The following CACNB2 variants were observed in gnomAD, a reference collection of about 807,000 sequenced individuals.
CACNB2 encodes calcium voltage-gated channel auxiliary subunit beta 2.
Under a neutral mutation model 73.3 loss-of-function variants are expected in CACNB2, and 42 were observed. The ratio of observed to expected loss-of-function variants is 0.57; its 90% CI spans 0.45 to 0.74. The LOEUF (loss-of-function observed/expected upper bound fraction) is 0.74. Among genes scored for constraint, CACNB2 ranks in the 30% least tolerant of loss-of-function variants. The pLI is 0.00. For synonymous variants in CACNB2, 348 were observed against 310.3 expected, an observed-to-expected ratio of 1.12 and a Z score of -1.28; for missense variants, 940 against 853.0, an observed-to-expected ratio of 1.10 and a Z score of -1.27.
chr10:18,169,007 A>G (rs2033053775), intron 2 of CACNB2, among the ~76,000 whole-genome samples: 1 of 152,160 alleles, frequency 6.6e-6, no homozygotes, highest in African/African-American at 2.4e-5. Context: ...GTTCATTTAT[A>G]ATCCTCATCT....
chr10:18,172,947 G>A (rs542248737), intron 2 of CACNB2, among the ~76,000 whole-genome samples: 1 of 49,218 alleles, frequency 2.0e-5, no homozygotes, highest in East Asian at 8.9e-4. Flanking sequence ...TTTAAATGGA[G>A]TTTTACTCTG....
intron 2 of CACNB2, among the ~76,000 whole-genome samples, chr10:18,249,388 A>C: frequency 6.7e-6 from 1 of 150,342 alleles, no homozygotes; most frequent in South Asian, 2.2e-4. Flanking sequence ...CTCCTATTCC[A>C]AGAAAAAAAA....
At chr10:18,246,357 C>A (rs1312058477) in intron 2 of CACNB2, among the ~76,000 whole-genome samples, 1 of 152,078 alleles carries the variant, frequency 6.6e-6, no homozygotes, top group Non-Finnish European at 1.5e-5. Flanking sequence ...CCTTAGGGAA[C>A]TTCCAAATTT....
intron 2 of CACNB2, among the ~76,000 whole-genome samples, chr10:18,346,894 G>A (rs896633356): frequency 3.9e-5 from 6 of 152,112 alleles, no homozygotes. Flanking sequence ...ACTGCACCTG[G>A]CCTGTTAGTG....
chr10:18,374,514 G>T (rs376838396), intron 2 of CACNB2, among the ~76,000 whole-genome samples: 1 of 152,182 alleles, frequency 6.6e-6, no homozygotes, highest in Non-Finnish European at 1.5e-5. Flanking sequence ...GATAGCTTGA[G>T]CCCAGAAGTT....
chr10:18,427,694 C>A (rs933189080), intron 3 of CACNB2, among the ~76,000 whole-genome samples: 2 of 152,202 alleles, frequency 1.3e-5, no homozygotes, highest in East Asian at 3.9e-4. Context: ...TCTTCTCATG[C>A]CAGTTTGGGC....
intron 2 of CACNB2, among the ~76,000 whole-genome samples, chr10:18,207,569 T>C (rs2035148394): frequency 6.6e-6 from 1 of 152,362 alleles, no homozygotes; most frequent in Middle Eastern, 3.4e-3. Flanking sequence ...ACAAAATATA[T>C]TGAAGTTTGT....
chr10:18,257,050 G>A (rs1035309120), intron 2 of CACNB2: 3 of 152,260 alleles, frequency 2.0e-5, no homozygotes, highest in Admixed American at 6.5e-5. Flanking sequence ...CTTTCTTGGT[G>A]TAGTCCAAAC....
chr10:18,521,956 G>T (rs759547122), intron 9 of CACNB2, among the ~76,000 whole-genome samples: 1 of 152,154 alleles, frequency 6.6e-6, no homozygotes, highest in Non-Finnish European at 1.5e-5. Flanking sequence ...CACAGCAGAC[G>T]GTGAGTGGCA....
intron 3 of CACNB2, among the ~76,000 whole-genome samples, chr10:18,490,145 G>C (rs1460550120): frequency 6.6e-6 from 1 of 152,140 alleles, no homozygotes; most frequent in African/African-American, 2.4e-5. Context: ...ACAGATGTCA[G>C]CCACTGCACT....
intron 2 of CACNB2, among the ~76,000 whole-genome samples, chr10:18,152,748 T>C (rs2031706198): frequency 1.0e-5 from 1 of 99,150 alleles, no homozygotes; most frequent in Non-Finnish European, 2.0e-5. Flanking sequence ...AACAAAACAC[T>C]AGCTCCTTAG....
intron 2 of CACNB2, among the ~76,000 whole-genome samples, chr10:18,172,572 A>G (rs1350708381): frequency 1.3e-5 from 2 of 152,064 alleles, no homozygotes; most frequent in Non-Finnish European, 2.9e-5. Context: ...TGTCAGAGCT[A>G]GGAAGTGGCA....
intron 2 of CACNB2, among the ~76,000 whole-genome samples, chr10:18,225,520 CTCTTT>C (rs957678069): frequency 6.6e-6 from 1 of 152,032 alleles, no homozygotes; most frequent in African/African-American, 2.4e-5. Flanking sequence ...TTTTCTCTCT[CTCTTT>C]TCTTTTCTTT....
At chr10:18,493,399 C>T (rs529309841) in intron 3 of CACNB2, among the ~76,000 whole-genome samples, 2 of 152,310 alleles carry the variant, frequency 1.3e-5, no homozygotes, top group African/African-American at 4.8e-5. Context: ...AACTCCTGAT[C>T]TCGTGATCCG....
At chr10:18,203,003 A>G (rs147169293) in intron 2 of CACNB2, among the ~76,000 whole-genome samples, 43 of 152,244 alleles carry the variant, frequency 2.8e-4, no homozygotes, top group African/African-American at 8.7e-4. Context: ...ATCACTGAAC[A>G]TTTTCCTTGA....
intron 2 of CACNB2, among the ~76,000 whole-genome samples, chr10:18,317,269 G>T (rs2040227493): frequency 6.6e-6 from 1 of 151,334 alleles, no homozygotes; most frequent in Admixed American, 6.6e-5. Flanking sequence ...GTTTAGATTT[G>T]GGGGTTACAG....
chr10:18,525,467 T>C (rs1307200641), intron 9 of CACNB2, among the ~76,000 whole-genome samples: 1 of 152,224 alleles, frequency 6.6e-6, no homozygotes, highest in African/African-American at 2.4e-5. Context: ...TTTTGCTTCA[T>C]TACCTTGTGG....
chr10:18,325,697 T>C lies in CACNB2; in HGVS notation c.214-76227T>C, dbSNP rs558089157. 2.2e-3 allele frequency among the ~76,000 whole-genome samples: 194 copies of C among 89,436 alleles called. 1 individual carries two copies. Among genetic ancestry groups the C allele is most frequent in the African/African-American group, 5.0e-3 (117 of 23,334 alleles). The allele number at this position is 89,436 out of a possible 152,430, so 58.7% of individuals were successfully genotyped here. A position where few individuals can be genotyped will look rare whatever the true frequency, so the allele number is the denominator to read the frequency against. On this transcript the variant is annotated intron_variant, in intron 2 of 13. Transcript: ENST00000324631. ...TCTTTCCCTCCCTCCCTCCCTTCCTTCCTTCCTTCCTTCCTTCCTTCTCTC... is the reference window on the plus strand; with the variant it reads ...TCTTTCCCTCCCTCCCTCCCTTCCTCCCTTCCTTCCTTCCTTCCTTCTCTC...
intron 2 of CACNB2, among the ~76,000 whole-genome samples, chr10:18,290,124 T>C (rs1457144371): frequency 3.7e-5 from 5 of 134,460 alleles, no homozygotes; most frequent in South Asian, 2.6e-4. Context: ...TTTTTTTTTT[T>C]TTTTTTTTTT....
Sources: allele counts gnomAD v4.1 joint callset (sites outside exome capture counted in the v4.1 genomes callset), GRCh38; gene constraint gnomAD v4.1.1; transcripts MANE v1.5; gene names NCBI Gene and HGNC (gene_info 2026-07-23, HGNC 2026-07-21).